ATP13A4: variants seen among roughly 807,000 people sequenced by gnomAD.
The protein encoded by ATP13A4 is probable cation-transporting ATPase 13A4.
Under a neutral mutation model 142.5 loss-of-function variants are expected in ATP13A4, and 114 were observed. That is an observed-to-expected ratio of 0.80 (90% CI 0.69 to 0.93). ATP13A4 has a LOEUF of 0.93. Among genes scored for constraint, ATP13A4 ranks in the 40% least tolerant of loss-of-function variants. The pLI, the probability that ATP13A4 is intolerant of heterozygous loss-of-function variation, is 0.00. For synonymous variants in ATP13A4, 488 were observed against 514.8 expected (o/e 0.95, Z 0.70); for missense variants, 1,392 against 1,454.0 (o/e 0.96, Z 0.69).
intron 16 of ATP13A4, 109 bp from the exon 17 acceptor site, chr3:193,454,321 A>T: frequency 1.3e-6 from 1 of 777,094 alleles, no homozygotes; most frequent in South Asian, 1.5e-5. Context: ...ACACTTCTAC[A>T]AAGATATGTA....
At chr3:193,567,664 C>T (rs281807) in intron 2 of ATP13A4, among the ~76,000 whole-genome samples, 134,511 of 152,280 alleles carry the variant, frequency 0.88, 59,721 homozygotes, top group African/African-American at 0.97. Context: ...CCACCAAACT[C>T]CCTGCACTGT....
At chr3:193,418,571 C>G (rs1033105325) in intron 25 of ATP13A4, among the ~76,000 whole-genome samples, 3 of 149,662 alleles carry the variant, frequency 2.0e-5, no homozygotes, top group South Asian at 2.1e-4. Context: ...ACACCCCACT[C>G]TCTAGCCAGG....
chr3:193,442,266 T>C, intron 19 of ATP13A4, 127 bp downstream of exon 19: 1 of 981,372 alleles, frequency 1.0e-6, no homozygotes. Context: ...CCAATGTAAC[T>C]GAGTTCGTTC....
At chr3:193,456,759 C>A (rs1367323182) in intron 16 of ATP13A4, among the ~76,000 whole-genome samples, 1 of 151,994 alleles carries the variant, frequency 6.6e-6, no homozygotes, top group African/African-American at 2.4e-5. Flanking sequence ...AGTGAGAAAT[C>A]AGAGATGACA....
At chr3:193,467,805 G>A (rs1718390352) in intron 9 of ATP13A4, among the ~76,000 whole-genome samples, 2 of 152,132 alleles carry the variant, frequency 1.3e-5, no homozygotes, top group African/African-American at 4.8e-5. Flanking sequence ...TCAAGAATGT[G>A]GAGTGTGGAG....
chr3:193,399,771 G>A lies in ATP13A4; in HGVS notation c.*2881C>T, dbSNP rs1444288334. On this transcript the variant is annotated 3_prime_UTR_variant, in exon 30 of 30. Coordinates refer to ENST00000342695, the MANE Select transcript of ATP13A4 (RefSeq NM_032279.4). ...TGAGGCAGGAGAATGGTGTGAATCC[G>A]GGAGGCGGAGCTGGCAGTGAGCCGA... Among the ~76,000 whole-genome samples, 12 of 148,974 alleles carry A rather than the reference G, an allele frequency of 8.1e-5. No individual in the cohort carries two copies. Among genetic ancestry groups the A allele is most frequent in the African/African-American group, 2.0e-4 (8 of 40,454 alleles).
chr3:193,460,347 C>A (rs1334376963), intron 13 of ATP13A4, among the ~76,000 whole-genome samples: 1 of 152,128 alleles, frequency 6.6e-6, no homozygotes, highest in Non-Finnish European at 1.5e-5. Flanking sequence ...TAATATGGAC[C>A]CTGAATTTAT....
exon 2 of ATP13A4, chr3:193,581,898 A>T (rs1724553684): frequency 6.6e-6 from 1 of 152,058 alleles, no homozygotes; most frequent in African/African-American, 2.4e-5. Flanking sequence ...GAGGACAGAA[A>T]AGAGAAGTCT....
Position 193,483,984 on chromosome 3 carries a change from G to C in ATP13A4, c.760C>G (p.Leu254Val). The change falls in exon 8 of 30, where the codon CTC becomes GTC. Residue 254 changes from leucine to valine, a missense_variant. Leu to Val is a conservative substitution (Grantham distance 32). Transcript: ENST00000342695. ...GTAATGCTATTATGTGACTCGACGA[G>C]ATGGTGGAGTTTTACAGATTGCTGA... ...LREQSVKLHH[L>V]VESHNSITVS... is the part of the protein sequence containing the mutation. 6.2e-7 allele frequency: 1 copy of C among 1,610,042 alleles called. No individual in the cohort carries two copies. Among genetic ancestry groups the C allele is most frequent in the Non-Finnish European group, 8.5e-7 (1 of 1,176,422 alleles).
At chr3:193,457,551 A>T in intron 14 of ATP13A4, 86 bp from the exon 15 acceptor site, 1 of 1,230,894 alleles carries the variant, frequency 8.1e-7, no homozygotes, top group Non-Finnish European at 1.2e-6. Context: ...CCTTGAGAAG[A>T]TCCTCAGACC....
chr3:193,458,073 A>G (rs1338328989), intron 14 of ATP13A4, among the ~76,000 whole-genome samples: 1 of 152,232 alleles, frequency 6.6e-6, no homozygotes. Flanking sequence ...AAGATATGGA[A>G]TCAGTAACCC....
chr3:193,462,713 G>C, intron 13 of ATP13A4, 49 bp downstream of exon 13: 1 of 1,560,912 alleles, frequency 6.4e-7, no homozygotes, highest in Non-Finnish European at 8.8e-7. Context: ...CGGAATTTTG[G>C]AAAAAGAGAC....
chr3:193,545,753 G>A lies in ATP13A4; in HGVS notation c.60+8987C>T, dbSNP rs575071424. On this transcript the variant is annotated intron_variant, in intron 1 of 29. Coordinates refer to ENST00000342695, the MANE Select transcript of ATP13A4 (RefSeq NM_032279.4). ...TGAGGACCCTATACGGTTCGGCACT[G>A]TTAATCATTTGCCAATAGATTTACT... Among the ~76,000 whole-genome samples the A allele has an allele frequency of 5.0e-4, 76 of 152,236 alleles. No homozygotes were observed. The Middle Eastern group carries it at 0.01, about 20-fold the overall frequency.
At chr3:193,406,525 G>T (rs1714505584) in intron 29 of ATP13A4, among the ~76,000 whole-genome samples, 1 of 152,306 alleles carries the variant, frequency 6.6e-6, no homozygotes, top group South Asian at 2.1e-4. Context: ...TGGATATTGT[G>T]TCTGGTAGTA....
chr3:193,580,142 A>C (rs928261937), intron 2 of ATP13A4, among the ~76,000 whole-genome samples: 1 of 152,196 alleles, frequency 6.6e-6, no homozygotes, highest in African/African-American at 2.4e-5. Flanking sequence ...CAATCTATTT[A>C]TTAAGAGCTT....
intron 25 of ATP13A4, among the ~76,000 whole-genome samples, chr3:193,429,212 T>G (rs2108614310): frequency 6.6e-6 from 1 of 152,220 alleles, no homozygotes; most frequent in South Asian, 2.1e-4. Context: ...CTAGTGAGAA[T>G]GTAAAATGAT....
At chr3:193,519,626 A>ATTTTTTTTTTTTTTTTTTTTTTTTT (rs147173408) in intron 1 of ATP13A4, among the ~76,000 whole-genome samples, 1 of 69,010 alleles carries the variant, frequency 1.4e-5, no homozygotes, top group Non-Finnish European at 2.5e-5. Flanking sequence ...GCAATTTGTA[A>ATTTTTTTTTTTTTTTTTTTTTTTTT]TTTTTTTTTT....
rs1282304750 is a variant in ATP13A4, at chr3:193,459,076, C to G, written c.1674+5G>C. 1 of 1,614,240 alleles carries G rather than the reference C, an allele frequency of 6.2e-7. No homozygotes were observed. The highest frequency in any genetic ancestry group is 1.7e-5 in the Admixed American group (1 of 60,028). On this transcript the variant is annotated splice_donor_5th_base_variant and intron_variant, in intron 14 of 29. Transcript: ENST00000342695. ...TCTCAGATTCTCTGAAGAGCAGAGGCTTACCCAGGTGGTGGCTTCAAACAT... is the reference window on the plus strand; with the variant it reads ...TCTCAGATTCTCTGAAGAGCAGAGGGTTACCCAGGTGGTGGCTTCAAACAT...
At chr3:193,403,062 G>A (rs1714328786) in intron 29 of ATP13A4, among the ~76,000 whole-genome samples, 198 bp from the exon 30 acceptor site, 1 of 152,188 alleles carries the variant, frequency 6.6e-6, no homozygotes, top group East Asian at 1.9e-4. Context: ...AGTAACTCCT[G>A]TGGGAGAAGT....
Sources: gnomAD v4.1 joint callset for allele counts (sites outside exome capture counted in the v4.1 genomes callset) on GRCh38, gnomAD v4.1.1 for gene constraint, MANE v1.5 for transcripts, NCBI Gene and HGNC (gene_info 2026-07-23, HGNC 2026-07-21) for gene names.